Variants in APAF1 observed in about 807,000 individuals in gnomAD.
The protein encoded by APAF1 is apoptotic peptidase activating factor 1, also known as apoptotic protease-activating factor 1.
A neutral mutation model predicts 152.4 loss-of-function variants in APAF1; 91 were observed. The observed-to-expected ratio is 0.60, with a 90% CI of 0.50 to 0.71. The LOEUF is 0.71. Ranked by LOEUF, APAF1 falls within the 30% of genes least tolerant of loss-of-function variation. The pLI is 0.00. For missense variants in APAF1, 1,283 were observed against 1,472.0 expected (o/e 0.87, Z 2.10); for synonymous variants, 484 against 494.1 (o/e 0.98, Z 0.27).
At chr12:98,703,633 TG>T in intron 18 of APAF1, 134 bp downstream of exon 18, 1 of 1,112,734 alleles carries the variant, frequency 9.0e-7, no homozygotes. Flanking sequence ...TATAGCCTAA[TG>T]ACCTCTAACT....
intron 22 of APAF1, among the ~76,000 whole-genome samples, chr12:98,722,566 T>C (rs12313788): frequency 0.013 from 2,026 of 152,326 alleles, 43 homozygotes; most frequent in African/African-American, 0.046. Flanking sequence ...GATACGTTTG[T>C]ATGCATATTT....
At chr12:98,718,597 G>A (rs771928469) in intron 22 of APAF1, among the ~76,000 whole-genome samples, 3 of 152,088 alleles carry the variant, frequency 2.0e-5, no homozygotes, top group East Asian at 3.9e-4. Flanking sequence ...AGCATTTCTA[G>A]CTTCACAGCT....
At chr12:98,713,747 T>C (rs1315701387) in intron 21 of APAF1, among the ~76,000 whole-genome samples, 1 of 152,258 alleles carries the variant, frequency 6.6e-6, no homozygotes, top group Non-Finnish European at 1.5e-5. Context: ...AACCAATTAC[T>C]TATGGCACTG....
At position 98,666,313 on chromosome 12, in the gene APAF1, C is replaced by T; in HGVS notation, c.1318C>T (p.Leu440Phe). The T allele has an allele frequency of 1.2e-6, 2 of 1,613,486 alleles. No individual in the cohort carries two copies. Among genetic ancestry groups the T allele is most frequent in the Non-Finnish European group, 1.7e-6 (2 of 1,179,846 alleles). The change falls in exon 9 of 27, where the codon CTT (leucine) becomes TTT (phenylalanine). Residue 440 changes from leucine to phenylalanine, a missense_variant. Coordinates refer to ENST00000551964, the MANE Select transcript of APAF1 (RefSeq NM_181861.2). ...GKSFRYYLHD[L>F]QVDFLTEKNC... ...GTCGTTTCGTTATTATTTACATGAT[C>T]TTCAAGTAGATTTTCTTACAGAGAA... is the stretch of plus-strand genomic sequence containing the variant.
intron 24 of APAF1, 148 bp from the exon 25 acceptor site, chr12:98,725,267 A>C: frequency 1.1e-6 from 1 of 951,808 alleles, no homozygotes; most frequent in South Asian, 1.4e-5. Flanking sequence ...ACAAGGTTGC[A>C]TGCTGGAACT....
chr12:98,666,800 A>G (rs986800410), intron 9 of APAF1, among the ~76,000 whole-genome samples: 6 of 152,060 alleles, frequency 3.9e-5, no homozygotes, highest in South Asian at 2.1e-4. Context: ...AAGAATACCA[A>G]TGATGTTGTA....
chr12:98,648,677 G>A lies in APAF1; in HGVS notation c.190G>A (p.Asp64Asn). ...GCTGATTAAAATGATACTTAAAAAA[G>A]ATAATGATTCCTACGTATCATTCTA... The part of the protein sequence containing the change: ...AMLIKMILKK[D>N]NDSYVSFYNA... Residue 64 changes from aspartate (D) to asparagine (N), a missense_variant, in exon 3 of 27, where the codon GAT becomes AAT. Physicochemically the swap from Asp to Asn is conservative, Grantham distance 23 (BLOSUM62 1). Coordinates refer to ENST00000551964, the MANE Select transcript of APAF1 (RefSeq NM_181861.2). The A allele has an allele frequency of 1.2e-6, 2 of 1,613,786 alleles. No homozygotes were observed. Among genetic ancestry groups the A allele is most frequent in the Non-Finnish European group, 1.7e-6 (2 of 1,179,872 alleles).
intron 5 of APAF1, among the ~76,000 whole-genome samples, chr12:98,661,181 G>A (rs917760550): frequency 5.9e-5 from 9 of 152,042 alleles, no homozygotes; most frequent in East Asian, 2.0e-4. Context: ...GATTACAGGC[G>A]TGAGCCACTG....
intron 5 of APAF1, among the ~76,000 whole-genome samples, chr12:98,661,048 C>A (rs1036674542): frequency 6.6e-6 from 1 of 152,082 alleles, no homozygotes; most frequent in Admixed American, 6.6e-5. Flanking sequence ...ACTACAGGCT[C>A]CCCACCACAC....
In APAF1 at chr12:98,654,797, A is replaced by AT. The variant is rs571205132; in HGVS notation, c.527-4358dup. On this transcript the variant is annotated intron_variant, in intron 4 of 26. Coordinates refer to ENST00000551964, the MANE Select transcript of APAF1 (RefSeq NM_181861.2). The stretch of plus-strand genomic sequence containing the variant: ...TTTGTCTGTTTTTGTTTGTTTAAAT[A>AT]TTTTTAAAGTAGTATTTTCTTTTTT... Among the ~76,000 whole-genome samples the AT allele has an allele frequency of 1.9e-3, 268 of 142,002 alleles. 2 individuals carry two copies. Among genetic ancestry groups the AT allele is most frequent in the African/African-American group, 6.7e-3 (257 of 38,450 alleles). 93.2% of individuals were successfully genotyped at this position (142,002 alleles called of 152,430 possible).
intron 14 of APAF1, 98 bp from the exon 15 acceptor site, chr12:98,683,045 A>G: frequency 1.1e-6 from 1 of 919,238 alleles, no homozygotes. Context: ...CTATGACAGG[A>G]TAAGATAGCA....
chr12:98,692,857 G>T lies in APAF1; in HGVS notation c.2304+5984G>T, dbSNP rs548419530. Among the ~76,000 whole-genome samples the T allele has an allele frequency of 3.3e-5, 5 of 152,304 alleles. No homozygotes were observed. In the South Asian group the frequency reaches 1.0e-3, roughly 32 times the overall value. ...ATAGTGCTGCAGTGAATATACAAGT[G>T]CATGTGTCTTTTTGGTAGAATGATT... is the stretch of plus-strand genomic sequence containing the variant. On this transcript the variant is annotated intron_variant, in intron 16 of 26. Transcript: ENST00000551964.
chr12:98,681,661 TGA>T (rs2097692343), intron 14 of APAF1, among the ~76,000 whole-genome samples: 1 of 152,144 alleles, frequency 6.6e-6, no homozygotes, highest in African/African-American at 2.4e-5. Flanking sequence ...ATCTACCTCT[TGA>T]TAGATTGGAC....
intron 26 of APAF1, among the ~76,000 whole-genome samples, chr12:98,728,714 C>CTA (rs1392057112): frequency 6.6e-6 from 1 of 152,122 alleles, no homozygotes; most frequent in Non-Finnish European, 1.5e-5. Flanking sequence ...CAGAGCGAGA[C>CTA]TATCTCAAAA....
chr12:98,724,735 C>A (rs116676922), intron 24 of APAF1, among the ~76,000 whole-genome samples: 1 of 73,178 alleles, frequency 1.4e-5, no homozygotes, highest in African/African-American at 3.7e-5. Flanking sequence ...TGTTCGTGAG[C>A]CTGTCTTTGT....
chr12:98,729,376 T>C (rs1410790425), intron 26 of APAF1, among the ~76,000 whole-genome samples: 3 of 152,200 alleles, frequency 2.0e-5, no homozygotes, highest in Non-Finnish European at 4.4e-5. Context: ...CAGCATTAGA[T>C]TCTCGTAAGG....
At chr12:98,651,977 G>A (rs1177691573) in intron 4 of APAF1, among the ~76,000 whole-genome samples, 1 of 152,084 alleles carries the variant, frequency 6.6e-6, no homozygotes, top group Non-Finnish European at 1.5e-5. Flanking sequence ...GACACACCCA[G>A]CTAATTTTTG....
At chr12:98,655,868 C>T (rs952689618) in intron 4 of APAF1, among the ~76,000 whole-genome samples, 2 of 151,886 alleles carry the variant, frequency 1.3e-5, no homozygotes, top group Non-Finnish European at 2.9e-5. Context: ...ACTGCAAGCT[C>T]GGCCTCCCGG....
rs186120537 is a variant in APAF1 at position 98,728,679 on chromosome 12, C to T, written c.3600+1363C>T. Among the ~76,000 whole-genome samples the T allele has an allele frequency of 8.5e-5, 13 of 152,292 alleles. No individual in the cohort carries two copies. In the East Asian group the frequency reaches 2.3e-3, roughly 27 times the overall value. ...CAGAAGTTGCAGTCAGCTAAGGTCA[C>T]ACCACTGTACTCCAGCCTGGGCAAC... On this transcript the variant is annotated intron_variant, in intron 26 of 26. Transcript: ENST00000551964.
Sources: gnomAD v4.1 joint callset for allele counts (sites outside exome capture counted in the v4.1 genomes callset) on GRCh38, gnomAD v4.1.1 for gene constraint, MANE v1.5 for transcripts, NCBI Gene and HGNC (gene_info 2026-07-23, HGNC 2026-07-21) for gene names.